Variants in RIN2 observed in about 807,000 individuals in gnomAD.
The protein encoded by RIN2 is Ras and Rab interactor 2, also known as RAB5 interacting protein 2.
A neutral mutation model predicts 78.0 loss-of-function variants in RIN2; 36 were observed. The observed-to-expected ratio is 0.46, with a 90% CI of 0.35 to 0.61. The LOEUF (loss-of-function observed/expected upper bound fraction) is 0.61. RIN2 is among the 20% of genes least tolerant of loss of function. The probability of loss-of-function intolerance (pLI) is 0.00; values close to 1 mark genes in which losing one functional copy is unlikely to be tolerated. For synonymous variants in RIN2, 466 were observed against 466.8 expected, an observed-to-expected ratio of 1.00 and a Z score of 0.02; for missense variants, 1,087 against 1,159.7, an observed-to-expected ratio of 0.94 and a Z score of 0.91.
intron 4 of RIN2, among the ~76,000 whole-genome samples, chr20:19,948,700 A>C (rs1157514610): frequency 3.3e-5 from 5 of 152,112 alleles, no homozygotes; most frequent in Admixed American, 2.0e-4. Flanking sequence ...GATGATATTA[A>C]ATTGTCCATT....
At position 19,823,847 on chromosome 20, in the gene RIN2, C is replaced by T. The variant is rs191008028; in HGVS notation, c.-37+24100C>T. ...TTTTTTGGAGACAGACCCAGGGGGC[C>T]GATCTTGGGGGCCAGGGCAGAAGTG... On this transcript the variant is annotated intron_variant, in intron 2 of 12. Coordinates refer to ENST00000255006, the MANE Select transcript of RIN2 (RefSeq NM_018993.4). 384 of 1,606,234 alleles carry T rather than the reference C, an allele frequency of 2.4e-4. 1 individual carries two copies. The African/African-American group carries it at 4.2e-3, about 18-fold the overall frequency.
intron 2 of RIN2, among the ~76,000 whole-genome samples, chr20:19,869,710 G>A (rs6112624): frequency 0.49 from 73,190 of 150,536 alleles, 18,117 homozygotes; most frequent in East Asian, 0.59. Flanking sequence ...CTGCAGCCTC[G>A]AACTCCTAGA....
chr20:19,891,696 G>A lies in RIN2; in HGVS notation c.57+2038G>A, dbSNP rs2038469989. On this transcript the variant is annotated intron_variant, in intron 3 of 12. Coordinates refer to ENST00000255006, the MANE Select transcript of RIN2 (RefSeq NM_018993.4). Reference sequence around the variant, plus strand: ...TAGCTGGGTGTGGTGGCCTGCACCTGTAATCCCAGCTACTTAGGAGGCTGA... The same window carrying A: ...TAGCTGGGTGTGGTGGCCTGCACCTATAATCCCAGCTACTTAGGAGGCTGA... Among the ~76,000 whole-genome samples the A allele has an allele frequency of 3.9e-5, 6 of 152,184 alleles. No individual in the cohort carries two copies. The South Asian group carries it at 1.2e-3, about 31-fold the overall frequency.
intron 4 of RIN2, among the ~76,000 whole-genome samples, chr20:19,954,700 GCCCCTCA>G (rs1430025988): frequency 3.5e-5 from 2 of 56,468 alleles, no homozygotes; most frequent in African/African-American, 1.6e-4. Context: ...ACTGCCCTGT[GCCCCTCA>G]CCCCTGTGTC....
intron 5 of RIN2, among the ~76,000 whole-genome samples, chr20:19,957,026 G>C (rs934791628): frequency 6.6e-6 from 1 of 152,214 alleles, no homozygotes; most frequent in Non-Finnish European, 1.5e-5. Flanking sequence ...TACCATGGGA[G>C]GTACAAGGAT....
intron 3 of RIN2, among the ~76,000 whole-genome samples, chr20:19,894,989 G>A (rs1156833958): frequency 1.3e-5 from 2 of 151,942 alleles, no homozygotes; most frequent in Admixed American, 6.6e-5. Flanking sequence ...CTGCAGCATC[G>A]TGAGTCTCTC....
At chr20:19,922,163 G>A (rs921608043) in intron 3 of RIN2, among the ~76,000 whole-genome samples, 1 of 152,058 alleles carries the variant, frequency 6.6e-6, no homozygotes, top group Non-Finnish European at 1.5e-5. Flanking sequence ...ACTGCTCCCC[G>A]CCTGGGTCCG....
chr20:19,772,547 T>C (rs897272563), intron 1 of RIN2, among the ~76,000 whole-genome samples: 8 of 152,196 alleles, frequency 5.3e-5, no homozygotes, highest in Non-Finnish European at 1.2e-4. Flanking sequence ...CCTGGAACCA[T>C]GCTGATCTTG....
chr20:19,975,251 C>G lies in RIN2; in HGVS notation c.1226C>G (p.Thr409Arg), dbSNP rs1045321470. Residue 409 changes from threonine (T) to arginine (R), a missense_variant, in exon 9 of 13, where the codon ACA (threonine) becomes AGA (arginine). This residue lies in a region of RIN2 where 706 missense variants were observed against 667.5 expected (regional missense o/e 1.06). Coordinates refer to ENST00000255006, the MANE Select transcript of RIN2 (RefSeq NM_018993.4). This position sits in a 1 kb window ranked among gnomAD's most constrained non-coding sequence, Gnocchi z 4.9. ...CCTGAGGCCGCCCCGGGGGATTGCA[C>G]AAGGGCCCCGCCGCCCAGCTCTGAA... Reference protein sequence around the residue: ...APPEAAPGDCTRAPPPSSESR... With the variant: ...APPEAAPGDCRRAPPPSSESR... 6.3e-7 allele frequency: 1 copy of G among 1,583,104 alleles called. No individual in the cohort carries two copies. The highest frequency in any genetic ancestry group is 1.8e-5 in the Admixed American group (1 of 54,740).
In RIN2 at chr20:19,945,311, T is replaced by C. The variant is rs1033233216; in HGVS notation, c.158+10112T>C. On this transcript the variant is annotated intron_variant, in intron 4 of 12. Coordinates refer to ENST00000255006, the MANE Select transcript of RIN2 (RefSeq NM_018993.4). ...ATGACATGCCTTACCAAAAATAGCA[T>C]TGTGATTTCAGTGCACTCACATGGG... Among the ~76,000 whole-genome samples, 12 of 151,822 alleles carry C rather than the reference T, an allele frequency of 7.9e-5. No individual in the cohort carries two copies. The East Asian group carries it at 2.3e-3, about 29-fold the overall frequency.
At chr20:19,935,411 A>C (rs1471422771) in intron 4 of RIN2, 5 of 1,302,656 alleles carry the variant, frequency 3.8e-6, no homozygotes, top group Non-Finnish European at 4.9e-6. Context: ...CTTGAACTTT[A>C]TACTCTCTCA....
At chr20:19,839,539 A>G (rs2036520978) in intron 2 of RIN2, among the ~76,000 whole-genome samples, 1 of 152,224 alleles carries the variant, frequency 6.6e-6, no homozygotes, top group Non-Finnish European at 1.5e-5. Flanking sequence ...TTTCTCTACC[A>G]GGGGCTATTT....
At chr20:19,905,954 C>A (rs1481653636) in intron 3 of RIN2, among the ~76,000 whole-genome samples, 1 of 152,200 alleles carries the variant, frequency 6.6e-6, no homozygotes, top group East Asian at 1.9e-4. Context: ...TCACTGAATT[C>A]TCAAAGGTAG....
chr20:19,864,254 T>C (rs1266210155), intron 2 of RIN2, among the ~76,000 whole-genome samples: 1 of 152,158 alleles, frequency 6.6e-6, no homozygotes, highest in East Asian at 1.9e-4. Context: ...TGTCCTCTTC[T>C]GGAGTGAGGA....
intron 1 of RIN2, among the ~76,000 whole-genome samples, chr20:19,760,088 T>C (rs921069892): frequency 6.6e-6 from 1 of 152,226 alleles, no homozygotes; most frequent in Non-Finnish European, 1.5e-5. Context: ...TAAGTGGATA[T>C]AGAGGTGCTA....
In RIN2 at chr20:19,936,706, G is replaced by A. The variant is rs199540; in HGVS notation, c.158+1507G>A. Among the ~76,000 whole-genome samples the A allele has an allele frequency of 7.9e-3, 1,202 of 152,294 alleles. 15 individuals carry two copies. Among genetic ancestry groups the A allele is most frequent in the African/African-American group, 0.028 (1,165 of 41,556 alleles). On this transcript the variant is annotated intron_variant, in intron 4 of 12. Coordinates refer to ENST00000255006, the MANE Select transcript of RIN2 (RefSeq NM_018993.4). ...CGGTGGGTATTAGAGTGAGAGCTGGGTGGTTGCTTAATCTTTAACATTTCC... is the reference window on the plus strand; with the variant it reads ...CGGTGGGTATTAGAGTGAGAGCTGGATGGTTGCTTAATCTTTAACATTTCC...
chr20:19,776,821 C>T (rs765666989), intron 1 of RIN2, among the ~76,000 whole-genome samples: 25 of 151,952 alleles, frequency 1.6e-4, no homozygotes, highest in East Asian at 3.9e-4. Flanking sequence ...CCTTTCCAGA[C>T]GAAACCAGTG....
rs184962385 is a variant in RIN2, at chr20:19,899,727, T to C, written c.57+10069T>C. The stretch of plus-strand genomic sequence containing the variant: ...TGGCCTTAGGACATGGCAGATGGCT[T>C]CCTCACATGGCAAATTAAACAGGAG... On this transcript the variant is annotated intron_variant, in intron 3 of 12. Coordinates refer to ENST00000255006, the MANE Select transcript of RIN2 (RefSeq NM_018993.4). Among the ~76,000 whole-genome samples the C allele has an allele frequency of 3.3e-5, 5 of 152,286 alleles. No homozygotes were observed. In the East Asian group the frequency reaches 9.7e-4, roughly 29 times the overall value.
At chr20:19,961,145 C>T (rs1263525549) in intron 6 of RIN2, among the ~76,000 whole-genome samples, 2 of 152,188 alleles carry the variant, frequency 1.3e-5, no homozygotes, top group Non-Finnish European at 2.9e-5. Flanking sequence ...TTGCCAGTGA[C>T]TAAGTTGCAA....
Sources: gnomAD v4.1 joint callset for allele counts (sites outside exome capture counted in the v4.1 genomes callset) on GRCh38, gnomAD v4.1.1 for gene constraint, gnomAD v4.1.1 regional missense constraint, Gnocchi (gnomAD v3.1) non-coding constraint, MANE v1.5 for transcripts, NCBI Gene and HGNC (gene_info 2026-07-23, HGNC 2026-07-21) for gene names.